The following DNAAF11 variants were observed in gnomAD, a reference collection of about 807,000 sequenced individuals.
DNAAF11 encodes dynein axonemal assembly factor 11.
DNAAF11 carries 45 observed loss-of-function variants against 60.8 expected under a neutral mutation model. The ratio of observed to expected loss-of-function variants is 0.74; its 90% CI spans 0.58 to 0.95. DNAAF11 has a LOEUF of 0.95. Ranked by LOEUF, DNAAF11 falls within the 40% of genes least tolerant of loss-of-function variation. The pLI is 0.00. For synonymous variants in DNAAF11, 191 were observed against 183.5 expected (o/e 1.04, Z -0.33); for missense variants, 546 against 546.2 (o/e 1.00, Z 0.00).
intron 11 of DNAAF11, among the ~76,000 whole-genome samples, chr8:132,576,766 T>C (rs1180983363): frequency 6.6e-6 from 1 of 151,940 alleles, no homozygotes; most frequent in Non-Finnish European, 1.5e-5. Flanking sequence ...AGTCTGGTCC[T>C]AAGCATTTTG....
chr8:132,676,901 C>CA (rs1825780136), upstream of DNAAF11, among the ~76,000 whole-genome samples: 1 of 152,164 alleles, frequency 6.6e-6, no homozygotes. Context: ...AAAAGGCACT[C>CA]AAACTATAAA....
intron 3 of DNAAF11, among the ~76,000 whole-genome samples, chr8:132,651,018 A>G (rs1363277604): frequency 6.6e-6 from 1 of 152,226 alleles, no homozygotes; most frequent in East Asian, 1.9e-4. Flanking sequence ...CAAACTGGCC[A>G]AGCTTGAGAA....
chr8:132,683,612 C>T, the DNAAF11 span, among the ~76,000 whole-genome samples: 1 of 152,220 alleles, frequency 6.6e-6, no homozygotes, highest in Non-Finnish European at 1.5e-5. Context: ...GCTGTTGTTT[C>T]TGGCCCCTAC....
chr8:132,618,590 C>T (rs1233908015), intron 7 of DNAAF11, among the ~76,000 whole-genome samples: 33 of 128,794 alleles, frequency 2.6e-4, no homozygotes, highest in South Asian at 2.9e-4. Flanking sequence ...TGAACTCAAA[C>T]AAATTTACAA....
chr8:132,583,195 G>C (rs939386391), intron 11 of DNAAF11, among the ~76,000 whole-genome samples: 1 of 152,136 alleles, frequency 6.6e-6, no homozygotes, highest in African/African-American at 2.4e-5. Flanking sequence ...GTACCCCTGA[G>C]AGTTGAGGCA....
the DNAAF11 span, among the ~76,000 whole-genome samples, chr8:132,696,183 T>G: frequency 6.6e-6 from 1 of 152,140 alleles, no homozygotes; most frequent in African/African-American, 2.4e-5. Flanking sequence ...AAAATGCACA[T>G]GAAAAGATAA....
At chr8:132,676,080 T>C (rs1825748519), upstream of DNAAF11, among the ~76,000 whole-genome samples, 1 of 152,222 alleles carries the variant, frequency 6.6e-6, no homozygotes, top group Admixed American at 6.5e-5. Flanking sequence ...TAAAGATTCG[T>C]TGTCGTTGTC....
intron 10 of DNAAF11, among the ~76,000 whole-genome samples, chr8:132,584,839 C>T (rs1815721383): frequency 6.6e-6 from 1 of 152,134 alleles, no homozygotes; most frequent in Non-Finnish European, 1.5e-5. Context: ...AAAGACTAGG[C>T]CTGGACTTCA....
chr8:132,651,130 A>G (rs1026805568), intron 3 of DNAAF11, among the ~76,000 whole-genome samples: 3 of 152,126 alleles, frequency 2.0e-5, no homozygotes, highest in Admixed American at 6.5e-5. Flanking sequence ...GGGTCTAAAA[A>G]TCTTGGAAAT....
At chr8:132,667,093 T>G (rs867918692) in intron 1 of DNAAF11, among the ~76,000 whole-genome samples, 139 of 152,338 alleles carry the variant, frequency 9.1e-4, no homozygotes, top group African/African-American at 3.2e-3. Flanking sequence ...GAGTCCATTG[T>G]AAAGAGCCCT....
chr8:132,650,131 A>G (rs1414535093), intron 3 of DNAAF11, among the ~76,000 whole-genome samples: 1 of 152,248 alleles, frequency 6.6e-6, no homozygotes, highest in Non-Finnish European at 1.5e-5. Flanking sequence ...ATGTCCATCA[A>G]TGATAGACTG....
chr8:132,579,651 T>C (rs1045627414), intron 11 of DNAAF11, among the ~76,000 whole-genome samples: 2 of 152,008 alleles, frequency 1.3e-5, no homozygotes, highest in Admixed American at 6.6e-5. Context: ...GGGGAAAGGG[T>C]TGGTCCAAGG....
upstream of DNAAF11, among the ~76,000 whole-genome samples, chr8:132,678,752 AAAAT>A (rs1356651845): frequency 6.6e-6 from 1 of 150,472 alleles, no homozygotes; most frequent in Non-Finnish European, 1.5e-5. Flanking sequence ...TTTTTATATA[AAAAT>A]AAATTTATAA....
chr8:132,662,142 G>A (rs1563706527), intron 1 of DNAAF11, among the ~76,000 whole-genome samples: 1 of 152,190 alleles, frequency 6.6e-6, no homozygotes, highest in Non-Finnish European at 1.5e-5. Context: ...AGAAAGAAAA[G>A]GAACGCTTTA....
intron 1 of DNAAF11, among the ~76,000 whole-genome samples, chr8:132,669,324 G>A (rs966358287): frequency 2.0e-5 from 3 of 152,200 alleles, no homozygotes; most frequent in African/African-American, 7.2e-5. Flanking sequence ...CAGTGGCAAG[G>A]ACACTGTTAT....
chr8:132,617,476 T>C (rs1313536469), intron 7 of DNAAF11, among the ~76,000 whole-genome samples: 1 of 152,224 alleles, frequency 6.6e-6, no homozygotes, highest in Non-Finnish European at 1.5e-5. Context: ...ATGCTTGTGA[T>C]TTTTGTACAT....
At chr8:132,662,493 T>G (rs1824235112) in intron 1 of DNAAF11, among the ~76,000 whole-genome samples, 1 of 152,200 alleles carries the variant, frequency 6.6e-6, no homozygotes, top group African/African-American at 2.4e-5. Flanking sequence ...CCCTCACATC[T>G]TCTGTAGGAT....
intron 11 of DNAAF11, among the ~76,000 whole-genome samples, chr8:132,580,761 GATCTA>G (rs1815244640): frequency 6.6e-6 from 1 of 152,176 alleles, no homozygotes; most frequent in African/African-American, 2.4e-5. Context: ...TCTCTAAATT[GATCTA>G]TATGGCCAAT....
the DNAAF11 span, among the ~76,000 whole-genome samples, chr8:132,693,457 G>A: frequency 6.6e-6 from 1 of 151,788 alleles, no homozygotes; most frequent in African/African-American, 2.4e-5. Flanking sequence ...GAGTGTGTGT[G>A]TGTGTGTGTG....
Sources: gnomAD v4.1 joint callset for allele counts (sites outside exome capture counted in the v4.1 genomes callset) on GRCh38, gnomAD v4.1.1 for gene constraint, MANE v1.5 for transcripts, NCBI Gene and HGNC (gene_info 2026-07-23, HGNC 2026-07-21) for gene names.